The following SYT16 variants were observed in gnomAD, a reference collection of about 807,000 sequenced individuals.
SYT16 encodes the protein synaptotagmin-16.
SYT16 carries 42 observed loss-of-function variants against 61.4 expected under a neutral mutation model. The ratio of observed to expected loss-of-function variants is 0.68; its 90% CI spans 0.53 to 0.89. SYT16 has a LOEUF of 0.89. Ranked by LOEUF, SYT16 falls within the 40% of genes least tolerant of loss-of-function variation. The pLI is 0.00. For missense variants in SYT16, 804 were observed against 807.3 expected, an observed-to-expected ratio of 1.00 and a Z score of 0.05; for synonymous variants, 314 against 302.3, an observed-to-expected ratio of 1.04 and a Z score of -0.40.
At chr14:62,091,666 G>A (rs2057079073) in intron 7 of SYT16, among the ~76,000 whole-genome samples, 1 of 152,114 alleles carries the variant, frequency 6.6e-6, no homozygotes, top group Admixed American at 6.5e-5. Flanking sequence ...AAAGCATGAA[G>A]GTTGGATCCT....
At chr14:61,951,906 C>G (rs1024974681) in intron 1 of SYT16, among the ~76,000 whole-genome samples, 2 of 152,286 alleles carry the variant, frequency 1.3e-5, no homozygotes, top group South Asian at 4.1e-4. Flanking sequence ...CCTCCCACCT[C>G]TGCCTCCCGA....
At chr14:61,964,683 A>G (rs2051240473) in intron 1 of SYT16, among the ~76,000 whole-genome samples, 1 of 152,166 alleles carries the variant, frequency 6.6e-6, no homozygotes, top group African/African-American at 2.4e-5. Flanking sequence ...TCTGCTGTGG[A>G]TAAAATGCTC....
At chr14:62,038,718 G>A (rs2054603105) in intron 3 of SYT16, among the ~76,000 whole-genome samples, 1 of 152,154 alleles carries the variant, frequency 6.6e-6, no homozygotes, top group African/African-American at 2.4e-5. Flanking sequence ...GACCCAGCAG[G>A]AAAATGTGAT....
intron 1 of SYT16, among the ~76,000 whole-genome samples, chr14:61,924,626 G>T (rs2140412555): frequency 6.6e-6 from 1 of 152,250 alleles, no homozygotes. Context: ...GCACCAACTT[G>T]TGCTTCTTTT....
intron 2 of SYT16, among the ~76,000 whole-genome samples, chr14:61,978,157 A>G (rs1238902189): frequency 6.6e-6 from 1 of 152,056 alleles, no homozygotes; most frequent in African/African-American, 2.4e-5. Context: ...TTTTCAAATA[A>G]TATAACATGC....
At chr14:61,901,778 A>T (rs1239017449) in intron 1 of SYT16, among the ~76,000 whole-genome samples, 4 of 149,334 alleles carry the variant, frequency 2.7e-5, no homozygotes, top group African/African-American at 7.4e-5. Flanking sequence ...TATTATTATT[A>T]TTTTTTGGAG....
chr14:61,911,781 A>G (rs1398909333), intron 1 of SYT16, among the ~76,000 whole-genome samples: 6 of 152,186 alleles, frequency 3.9e-5, no homozygotes, highest in South Asian at 4.1e-4. Flanking sequence ...AAAGAACTCA[A>G]TGTTCCATTG....
chr14:61,946,552 T>C (rs4902089), intron 1 of SYT16, among the ~76,000 whole-genome samples: 70,596 of 151,960 alleles, frequency 0.46, 17,647 homozygotes, highest in East Asian at 0.75. Context: ...CTAAAATATA[T>C]TTTAAAAAAG....
At chr14:62,095,948 C>T (rs1686409216) in intron 7 of SYT16, among the ~76,000 whole-genome samples, 1 of 151,848 alleles carries the variant, frequency 6.6e-6, no homozygotes, top group South Asian at 2.1e-4. Context: ...TAGGGAAAGA[C>T]ACTGAAGCTT....
At chr14:62,051,921 C>A (rs893199966) in intron 3 of SYT16, among the ~76,000 whole-genome samples, 34 of 152,134 alleles carry the variant, frequency 2.2e-4, no homozygotes, top group African/African-American at 7.2e-4. Flanking sequence ...AGTCTCAGTT[C>A]CTTGGGAGGC....
intron 1 of SYT16, among the ~76,000 whole-genome samples, chr14:61,842,781 G>A (rs973644478): frequency 2.6e-5 from 4 of 151,210 alleles, no homozygotes; most frequent in African/African-American, 4.9e-5. Flanking sequence ...GTTAGGGGGT[G>A]GGGGGAGCGG....
chr14:61,866,010 T>C (rs1594786069), intron 1 of SYT16, among the ~76,000 whole-genome samples: 1 of 152,208 alleles, frequency 6.6e-6, no homozygotes, highest in African/African-American at 2.4e-5. Context: ...GATGATAGAA[T>C]ACATCCTACA....
chr14:61,899,382 T>A (rs1175632131), intron 1 of SYT16, among the ~76,000 whole-genome samples: 17 of 152,166 alleles, frequency 1.1e-4, no homozygotes, highest in Admixed American at 1.1e-3. Flanking sequence ...CAATAAAACC[T>A]TTTTGGGTCT....
intron 1 of SYT16, among the ~76,000 whole-genome samples, chr14:61,871,436 A>G (rs868341870): frequency 3.9e-5 from 6 of 152,098 alleles, no homozygotes; most frequent in Admixed American, 6.6e-5. Flanking sequence ...TGGCTTCCCC[A>G]AACTCCACCC....
chr14:61,973,621 G>C (rs1404955415), intron 2 of SYT16, among the ~76,000 whole-genome samples: 1 of 152,166 alleles, frequency 6.6e-6, no homozygotes, highest in Admixed American at 6.5e-5. Context: ...GAAGGCGGGA[G>C]AGAGAAAGAA....
chr14:62,070,392 T>G (rs544190852), intron 4 of SYT16, among the ~76,000 whole-genome samples: 2 of 152,304 alleles, frequency 1.3e-5, no homozygotes, highest in South Asian at 4.1e-4. Flanking sequence ...TCCCTGTAGT[T>G]TCTGACACAC....
chr14:62,044,425 A>G (rs1251915778), intron 3 of SYT16, among the ~76,000 whole-genome samples: 1 of 151,898 alleles, frequency 6.6e-6, no homozygotes, highest in Non-Finnish European at 1.5e-5. Context: ...TGCATTAGGT[A>G]TTTGTCCTAA....
chr14:61,914,108 A>G (rs552443830), intron 1 of SYT16, among the ~76,000 whole-genome samples: 1 of 152,240 alleles, frequency 6.6e-6, no homozygotes, highest in Admixed American at 6.5e-5. Context: ...TTGAAATGGT[A>G]TAGAGAGTTA....
intron 1 of SYT16, among the ~76,000 whole-genome samples, chr14:61,920,251 T>C (rs1432311008): frequency 6.6e-6 from 1 of 152,186 alleles, no homozygotes; most frequent in Non-Finnish European, 1.5e-5. Flanking sequence ...GTTAAGAACT[T>C]GGTTTTTTAA....
Sources: allele counts gnomAD v4.1 joint callset (sites outside exome capture counted in the v4.1 genomes callset), GRCh38; gene constraint gnomAD v4.1.1; transcripts MANE v1.5; gene names NCBI Gene and HGNC (gene_info 2026-07-23, HGNC 2026-07-21).